Variants in SAMM50 observed in about 807,000 individuals in gnomAD.
SAMM50 encodes the protein SAMM50 sorting and assembly machinery component.
In SAMM50, 47 loss-of-function variants were observed where a neutral mutation model predicts 66.9. That is an observed-to-expected ratio of 0.70 (90% CI 0.56 to 0.90). The LOEUF (loss-of-function observed/expected upper bound fraction) is 0.90. Among genes scored for constraint, SAMM50 ranks in the 40% least tolerant of loss-of-function variants. SAMM50 has a pLI of 0.00. For missense variants in SAMM50, 535 were observed against 595.3 expected (o/e 0.90, Z 1.05); for synonymous variants, 191 against 214.1 (o/e 0.89, Z 0.94).
intron 14 of SAMM50, among the ~76,000 whole-genome samples, chr22:43,993,963 A>G (rs1455405936): frequency 6.6e-6 from 1 of 152,204 alleles, no homozygotes; most frequent in Non-Finnish European, 1.5e-5. Flanking sequence ...GCATTCTGTC[A>G]GTTTGTGTCT....
intron 12 of SAMM50, chr22:43,987,727 T>C (rs1402598513): frequency 6.6e-6 from 1 of 152,156 alleles, no homozygotes; most frequent in African/African-American, 2.4e-5. Context: ...TTAATGTCCA[T>C]GATAAAGGAC....
At chr22:43,971,027 G>A (rs889068425) in intron 4 of SAMM50, among the ~76,000 whole-genome samples, 3 of 152,110 alleles carry the variant, frequency 2.0e-5, no homozygotes, top group African/African-American at 7.2e-5. Flanking sequence ...TATTGGCAGA[G>A]TGTGGCGGCG....
chr22:43,961,906 A>G (rs2050148723), intron 1 of SAMM50, among the ~76,000 whole-genome samples: 1 of 151,396 alleles, frequency 6.6e-6, no homozygotes, highest in Non-Finnish European at 1.5e-5. Flanking sequence ...TATTTTTACT[A>G]TTATTACTAT....
At chr22:43,972,404 G>T in intron 5 of SAMM50, 62 bp downstream of exon 5, 3 of 918,186 alleles carry the variant, frequency 3.3e-6, no homozygotes, top group South Asian at 3.7e-5. Flanking sequence ...TTTACACTAT[G>T]ACTGCATTCT....
chr22:43,964,633 C>A lies in SAMM50; in HGVS notation c.234+80C>A, dbSNP rs2146808215. The A allele has an allele frequency of 6.6e-6, 5 of 761,100 alleles. No homozygotes were observed. In the South Asian group the frequency reaches 8.7e-5, roughly 13 times the overall value. The allele number at this position is 761,100 out of a possible 1,614,324, so 47.1% of individuals were successfully genotyped here. A position where few individuals can be genotyped will look rare whatever the true frequency, so the allele number is the denominator to read the frequency against. The stretch of plus-strand genomic sequence containing the variant: ...AATGTCCCCATGTGAAACCACAGAG[C>A]ACCCTGCGCCCGGCCTCTGTGCCGG... On this transcript the variant is annotated intron_variant, in intron 3 of 14. Coordinates refer to ENST00000350028, the MANE Select transcript of SAMM50 (RefSeq NM_015380.5).
At position 43,983,379 on chromosome 22, in the gene SAMM50, ATAT is replaced by A. The variant is rs1428043915; in HGVS notation, c.1008-549_1008-547del. On this transcript the variant is annotated intron_variant, in intron 11 of 14. Transcript: ENST00000350028. The surrounding 1 kb of genome is among the most constrained non-coding windows in gnomAD (Gnocchi z 4.2). ...AATTAATTTTTAATTCACGCTTTTC[ATAT>A]TATTCAGATATGGTTGGTGAGAGTG... is the stretch of plus-strand genomic sequence containing the variant. Among the ~76,000 whole-genome samples the A allele has an allele frequency of 6.6e-6, 1 of 152,214 alleles. No individual in the cohort carries two copies. The highest frequency in any genetic ancestry group is 2.4e-5 in the African/African-American group (1 of 41,450).
chr22:43,984,610 C>T (rs1221034133), intron 12 of SAMM50, among the ~76,000 whole-genome samples: 1 of 150,688 alleles, frequency 6.6e-6, no homozygotes, highest in African/African-American at 2.4e-5. Flanking sequence ...TGGGCCCGAC[C>T]CCTATGTATT....
In SAMM50 at chr22:43,970,009, A is replaced by G. The variant is rs1454938633; in HGVS notation, c.322+1191A>G. ...AATTTTGAGAAGGCCTAGATAAGAC[A>G]ATATAGGAAAATGCTTGCAAAAAAT... is the stretch of plus-strand genomic sequence containing the variant. On this transcript the variant is annotated intron_variant, in intron 4 of 14. Coordinates refer to ENST00000350028, the MANE Select transcript of SAMM50 (RefSeq NM_015380.5). 2.6e-5 allele frequency among the ~76,000 whole-genome samples: 4 copies of G among 152,234 alleles called. No individual in the cohort carries two copies. The East Asian group carries it at 7.7e-4, about 29-fold the overall frequency.
At chr22:43,984,041 G>A (rs772105120) in intron 12 of SAMM50, 41 bp downstream of exon 12, 9 of 1,561,096 alleles carry the variant, frequency 5.8e-6, no homozygotes, top group African/African-American at 1.4e-5. Flanking sequence ...TAGAAGGCTC[G>A]CGTCTCACTT....
Position 43,995,116 on chromosome 22 carries a change from G to T in SAMM50, c.1365-1222G>T, listed in dbSNP as rs145024785. 1.5e-3 allele frequency among the ~76,000 whole-genome samples: 227 copies of T among 152,302 alleles called. 1 individual carries two copies. Among genetic ancestry groups the T allele is most frequent in the African/African-American group, 4.9e-3 (204 of 41,556 alleles). On this transcript the variant is annotated intron_variant, in intron 14 of 14. Coordinates refer to ENST00000350028, the MANE Select transcript of SAMM50 (RefSeq NM_015380.5). ...TGGATTCTGGTGTTTTAAGGCCATG[G>T]ATGTGGCTTACTGTAATCTTGAAGG... is the stretch of plus-strand genomic sequence containing the variant.
At chr22:43,976,296 G>A (rs1679232401) in intron 8 of SAMM50, 113 bp downstream of exon 8, 13 of 1,305,376 alleles carry the variant, frequency 1.0e-5, no homozygotes, top group Non-Finnish European at 1.3e-5. Context: ...ACCCAGATGG[G>A]GTGTCCACAG....
chr22:43,979,475 G>T (rs866647699), intron 10 of SAMM50, among the ~76,000 whole-genome samples: 1 of 152,160 alleles, frequency 6.6e-6, no homozygotes, highest in Non-Finnish European at 1.5e-5. Flanking sequence ...TCAGCCACCT[G>T]CCACCCACTG....
At chr22:43,994,882 A>G (rs2050344765) in intron 14 of SAMM50, among the ~76,000 whole-genome samples, 1 of 152,230 alleles carries the variant, frequency 6.6e-6, no homozygotes, top group South Asian at 2.1e-4. Context: ...GTTTGTACTT[A>G]GAGTGACAGG....
chr22:43,994,410 A>G (rs544975553), intron 14 of SAMM50, among the ~76,000 whole-genome samples: 2 of 152,150 alleles, frequency 1.3e-5, no homozygotes, highest in African/African-American at 2.4e-5. Context: ...CATGACTACA[A>G]CTGCACCTGG....
intron 14 of SAMM50, among the ~76,000 whole-genome samples, chr22:43,992,175 T>G (rs959338542): frequency 1.3e-5 from 2 of 152,202 alleles, no homozygotes; most frequent in Non-Finnish European, 1.5e-5. Flanking sequence ...GCTGTATCAT[T>G]TTTACTCTCT....
chr22:43,976,613 C>T, intron 8 of SAMM50, 137 bp from the exon 9 acceptor site: 1 of 689,950 alleles, frequency 1.4e-6, no homozygotes, highest in Non-Finnish European at 2.6e-6. Context: ...CCCTCACTTC[C>T]TCCAAGGGCT....
chr22:43,964,360 G>C, intron 2 of SAMM50, 92 bp from the exon 3 acceptor site: 2 of 635,338 alleles, frequency 3.1e-6, no homozygotes, highest in African/African-American at 1.8e-5. Flanking sequence ...AGAAAACCTT[G>C]ACATTAATTA....
At chr22:43,984,782 C>CTGTAACTTTTTGTGTTA (rs2050283518) in intron 12 of SAMM50, among the ~76,000 whole-genome samples, 1 of 151,984 alleles carries the variant, frequency 6.6e-6, no homozygotes. Flanking sequence ...GCACACACCA[C>CTGTAACTTTTTGTGTTA]CACGCCTGGC....
intron 10 of SAMM50, 45 bp from the exon 11 acceptor site, chr22:43,981,346 A>C (rs770066580): frequency 1.3e-6 from 2 of 1,496,100 alleles, no homozygotes; most frequent in South Asian, 1.1e-5. Flanking sequence ...TCCTGGAGTG[A>C]AAGGAATGCT....
Sources: allele counts gnomAD v4.1 joint callset (sites outside exome capture counted in the v4.1 genomes callset), GRCh38; gene constraint gnomAD v4.1.1; non-coding constraint Gnocchi (gnomAD v3.1); transcripts MANE v1.5; gene names NCBI Gene and HGNC (gene_info 2026-07-23, HGNC 2026-07-21).